The following CUBN variants were observed in gnomAD, a reference collection of about 807,000 sequenced individuals.
CUBN encodes the protein cubilin.
CUBN carries 282 observed loss-of-function variants against 405.3 expected under a neutral mutation model. The ratio of observed to expected loss-of-function variants is 0.70; its 90% CI spans 0.63 to 0.77. The LOEUF (loss-of-function observed/expected upper bound fraction) is 0.77. Ranked by LOEUF, CUBN falls within the 30% of genes least tolerant of loss-of-function variation. The pLI is 0.00. For missense variants in CUBN, 4,514 were observed against 4,475.2 expected (o/e 1.01, Z -0.25); for synonymous variants, 1,684 against 1,617.0 (o/e 1.04, Z -0.99).
intron 14 of CUBN, 31 bp downstream of exon 14, chr10:17,099,974 T>G: frequency 6.6e-7 from 1 of 1,503,956 alleles, no homozygotes; most frequent in Non-Finnish European, 9.3e-7. Flanking sequence ...CTCAAAATTT[T>G]GCTTGCTTTT....
At chr10:16,993,415 G>A (rs1001077433) in intron 28 of CUBN, among the ~76,000 whole-genome samples, 6 of 151,656 alleles carry the variant, frequency 4.0e-5, no homozygotes, top group East Asian at 1.9e-4. Flanking sequence ...GAATTCCTTC[G>A]CAAATAACAG....
intron 22 of CUBN, among the ~76,000 whole-genome samples, chr10:17,061,237 G>A (rs1401614507): frequency 1.3e-5 from 2 of 152,072 alleles, no homozygotes; most frequent in East Asian, 1.9e-4. Flanking sequence ...ATCCACTATT[G>A]TATCTCCCTT....
At chr10:16,833,991 G>A (rs940252552) in intron 64 of CUBN, among the ~76,000 whole-genome samples, 7 of 152,162 alleles carry the variant, frequency 4.6e-5, no homozygotes, top group Non-Finnish European at 7.4e-5. Context: ...GTTTAGAGAC[G>A]GTCAGGATGA....
At chr10:16,838,227 G>C (rs7923308) in intron 62 of CUBN, among the ~76,000 whole-genome samples, 1 of 152,040 alleles carries the variant, frequency 6.6e-6, no homozygotes, top group Non-Finnish European at 1.5e-5. Context: ...ACACAACCTG[G>C]ACTTTTCTTT....
At chr10:16,885,650 T>TC (rs11420326) in intron 56 of CUBN, among the ~76,000 whole-genome samples, 152,303 of 152,306 alleles carry the variant, frequency 1, 76,150 homozygotes, top group Non-Finnish European at 1. Flanking sequence ...TCTCACCTGA[T>TC]AACTGAGCTC....
intron 3 of CUBN, among the ~76,000 whole-genome samples, chr10:17,127,602 C>A (rs1439103014): frequency 6.6e-6 from 1 of 152,030 alleles, no homozygotes; most frequent in Admixed American, 6.6e-5. Flanking sequence ...CCACTGCTCC[C>A]AGCCCAAGGC....
At position 17,121,440 on chromosome 10, in the gene CUBN, A is replaced by G. The variant is rs866696626; in HGVS notation, c.593+1355T>C. 7.9e-5 allele frequency among the ~76,000 whole-genome samples: 12 copies of G among 151,550 alleles called. No homozygotes were observed. The South Asian group carries it at 1.1e-3, about 13-fold the overall frequency. On this transcript the variant is annotated intron_variant, in intron 6 of 66. Coordinates refer to ENST00000377833, the MANE Select transcript of CUBN (RefSeq NM_001081.4). ...AAACCATCATTCTCAGCAAACTATCACAAGGACAAAAAACCAAACACCGCA... is the reference window on the plus strand; with the variant it reads ...AAACCATCATTCTCAGCAAACTATCGCAAGGACAAAAAACCAAACACCGCA...
At chr10:16,972,176 C>G (rs896051133) in intron 31 of CUBN, among the ~76,000 whole-genome samples, 1 of 152,112 alleles carries the variant, frequency 6.6e-6, no homozygotes, top group East Asian at 1.9e-4. Flanking sequence ...ATCTTTCATC[C>G]ACCCGTTACA....
intron 10 of CUBN, 66 bp from the exon 11 acceptor site, chr10:17,105,641 A>G (rs1836611818): frequency 1.3e-5 from 11 of 869,806 alleles, no homozygotes; most frequent in Non-Finnish European, 1.7e-5. Context: ...CAGTATCTAA[A>G]CTCAGAATCT....
intron 36 of CUBN, 65 bp downstream of exon 36, chr10:16,947,170 G>T: frequency 6.5e-7 from 1 of 1,546,976 alleles, no homozygotes; most frequent in Non-Finnish European, 8.9e-7. Flanking sequence ...CATCCTATTA[G>T]CACCAGAACT....
chr10:16,872,401 C>A (rs111553409), intron 58 of CUBN, among the ~76,000 whole-genome samples: 1,950 of 149,660 alleles, frequency 0.013, 32 homozygotes, highest in African/African-American at 0.046. Flanking sequence ...ATATAACATA[C>A]CTCTATGAGT....
chr10:17,024,498 T>A (rs896841358), intron 27 of CUBN, among the ~76,000 whole-genome samples: 6 of 152,182 alleles, frequency 3.9e-5, no homozygotes, highest in African/African-American at 1.2e-4. Context: ...ATTAACTTTT[T>A]TTCTTAACTA....
chr10:16,939,330 G>C (rs1286865869), intron 37 of CUBN, among the ~76,000 whole-genome samples, 183 bp from the exon 38 acceptor site: 3 of 152,136 alleles, frequency 2.0e-5, no homozygotes, highest in African/African-American at 7.2e-5. Flanking sequence ...CCTTAGAAAA[G>C]GTCCTTAAAA....
intron 28 of CUBN, among the ~76,000 whole-genome samples, chr10:17,007,733 G>A (rs1834065601): frequency 6.6e-6 from 1 of 152,186 alleles, no homozygotes; most frequent in African/African-American, 2.4e-5. Context: ...GCAACTCCAG[G>A]ACCAGCGTTA....
chr10:17,105,441 A>G lies in CUBN; in HGVS notation c.1230+16T>C. On this transcript the variant is annotated intron_variant, in intron 11 of 66. Transcript: ENST00000377833. Reference sequence around the variant, plus strand: ...TCTCAGGTACTCTCTGTCCACAGGAAAAACAAAGGACTCACGATGCATTGT... The same window carrying G: ...TCTCAGGTACTCTCTGTCCACAGGAGAAACAAAGGACTCACGATGCATTGT... 1 of 1,410,938 alleles carries G rather than the reference A, an allele frequency of 7.1e-7. No homozygotes were observed. Among genetic ancestry groups the G allele is most frequent in the Non-Finnish European group, 1.0e-6 (1 of 993,174 alleles). 87.4% of individuals were successfully genotyped at this position (1,410,938 alleles called of 1,614,324 possible).
At chr10:17,011,216 G>T (rs901158725) in intron 28 of CUBN, among the ~76,000 whole-genome samples, 1 of 152,178 alleles carries the variant, frequency 6.6e-6, no homozygotes, top group Non-Finnish European at 1.5e-5. Flanking sequence ...CTTCTGGTGG[G>T]TTCTTGGTCT....
In CUBN at chr10:16,843,328, A is replaced by G. The variant is rs375537881; in HGVS notation, c.9664-2281T>C. Among the ~76,000 whole-genome samples the G allele has an allele frequency of 5.2e-5, 8 of 152,382 alleles. No individual in the cohort carries two copies. In the East Asian group the frequency reaches 1.5e-3, roughly 29 times the overall value. ...GTATCTAACTCCAAATATTCAATTC[A>G]TAACAGAGCTATGTGTTCAAGGCCT... is the stretch of plus-strand genomic sequence containing the variant. On this transcript the variant is annotated intron_variant, in intron 60 of 66. Transcript: ENST00000377833.
At chr10:16,826,835 T>A (rs2131296369) in intron 66 of CUBN, among the ~76,000 whole-genome samples, 1 of 152,216 alleles carries the variant, frequency 6.6e-6, no homozygotes, top group East Asian at 1.9e-4. Context: ...ACTGTGGGGA[T>A]CAAATGGGGT....
intron 40 of CUBN, among the ~76,000 whole-genome samples, chr10:16,932,603 T>A (rs572020928): frequency 6.6e-6 from 1 of 152,300 alleles, no homozygotes; most frequent in East Asian, 1.9e-4. Flanking sequence ...TTCTTATTAT[T>A]ATTTTAGAGA....
Sources: allele counts gnomAD v4.1 joint callset (sites outside exome capture counted in the v4.1 genomes callset), GRCh38; gene constraint gnomAD v4.1.1; transcripts MANE v1.5; gene names NCBI Gene and HGNC (gene_info 2026-07-23, HGNC 2026-07-21).